Variants in KIF6 observed in about 807,000 individuals in gnomAD.
The protein encoded by KIF6 is kinesin-like protein KIF6.
A neutral mutation model predicts 112.7 loss-of-function variants in KIF6; 106 were observed. The observed-to-expected ratio is 0.94, with a 90% CI of 0.80 to 1.11. The LOEUF (loss-of-function observed/expected upper bound fraction) is 1.11, where lower values mean the gene tolerates loss of function less well. Ranked by LOEUF, KIF6 falls within the 50% of genes least tolerant of loss-of-function variation. The pLI is 0.00. For missense variants in KIF6, 929 were observed against 964.0 expected (o/e 0.96, Z 0.48); for synonymous variants, 339 against 339.9 (o/e 1.00, Z 0.03).
At chr6:39,659,973 A>G (rs1344134418) in intron 3 of KIF6, among the ~76,000 whole-genome samples, 1 of 152,164 alleles carries the variant, frequency 6.6e-6, no homozygotes, top group Non-Finnish European at 1.5e-5. Flanking sequence ...GCCATATTAA[A>G]TTTATCCATA....
At chr6:39,429,676 A>G (rs572882473) in intron 14 of KIF6, among the ~76,000 whole-genome samples, 9 of 152,278 alleles carry the variant, frequency 5.9e-5, no homozygotes, top group South Asian at 2.1e-4. Flanking sequence ...TTGGGAGGCC[A>G]AGGTGGGCGG....
chr6:39,449,779 C>T (rs1443157577), intron 13 of KIF6, among the ~76,000 whole-genome samples: 4 of 152,168 alleles, frequency 2.6e-5, no homozygotes, highest in Non-Finnish European at 5.9e-5. Context: ...GGCACACCTG[C>T]CTGCCCACAT....
intron 3 of KIF6, among the ~76,000 whole-genome samples, chr6:39,699,969 C>T (rs1788780492): frequency 6.6e-6 from 1 of 152,112 alleles, no homozygotes; most frequent in South Asian, 2.1e-4. Flanking sequence ...TACATTCCAG[C>T]TCACAAATCA....
chr6:39,668,424 T>G (rs1786610724), intron 3 of KIF6, among the ~76,000 whole-genome samples: 1 of 152,148 alleles, frequency 6.6e-6, no homozygotes, highest in African/African-American at 2.4e-5. Flanking sequence ...TAGGACAAAC[T>G]AAACTATTTA....
intron 3 of KIF6, among the ~76,000 whole-genome samples, chr6:39,703,509 A>G (rs774053596): frequency 1.5e-4 from 23 of 152,166 alleles, no homozygotes; most frequent in Non-Finnish European, 3.1e-4. Flanking sequence ...ATATTGGCAA[A>G]GCTTTATATA....
chr6:39,682,748 T>G (rs1787606282), intron 3 of KIF6, among the ~76,000 whole-genome samples: 1 of 152,008 alleles, frequency 6.6e-6, no homozygotes, highest in Non-Finnish European at 1.5e-5. Context: ...CCCAGATAAT[T>G]TTTGTATTTT....
intron 15 of KIF6, among the ~76,000 whole-genome samples, chr6:39,387,624 T>G (rs568027398): frequency 6.6e-6 from 1 of 152,116 alleles, no homozygotes; most frequent in South Asian, 2.1e-4. Context: ...TGAGTATTGG[T>G]GAACCTGGAT....
At chr6:39,578,537 T>C (rs1259462635) in intron 9 of KIF6, among the ~76,000 whole-genome samples, 1 of 152,052 alleles carries the variant, frequency 6.6e-6, no homozygotes, top group African/African-American at 2.4e-5. Flanking sequence ...TTTACCATGT[T>C]AGCCAGGATG....
At chr6:39,423,341 C>A (rs1159430115) in intron 14 of KIF6, among the ~76,000 whole-genome samples, 2 of 152,102 alleles carry the variant, frequency 1.3e-5, no homozygotes, top group African/African-American at 4.8e-5. Context: ...TTCCAAGGGC[C>A]CCGGCTCTTC....
At chr6:39,635,535 C>T (rs1784581305) in intron 4 of KIF6, among the ~76,000 whole-genome samples, 1 of 152,008 alleles carries the variant, frequency 6.6e-6, no homozygotes, top group African/African-American at 2.4e-5. Flanking sequence ...TAGTTCACTG[C>T]CAATACCTCA....
At chr6:39,461,669 C>G (rs1015930317) in intron 13 of KIF6, among the ~76,000 whole-genome samples, 1 of 152,052 alleles carries the variant, frequency 6.6e-6, no homozygotes, top group East Asian at 1.9e-4. Context: ...ATGTTTTATT[C>G]TTACAGCACA....
At chr6:39,455,541 G>A (rs1260938547) in intron 13 of KIF6, among the ~76,000 whole-genome samples, 1 of 152,142 alleles carries the variant, frequency 6.6e-6, no homozygotes, top group Non-Finnish European at 1.5e-5. Context: ...ACGAGCTGAA[G>A]GAAGAAGGCT....
chr6:39,506,837 AG>A (rs955936345), intron 13 of KIF6, among the ~76,000 whole-genome samples: 6 of 152,104 alleles, frequency 3.9e-5, no homozygotes, highest in Non-Finnish European at 7.4e-5. Flanking sequence ...TCATCTTCAC[AG>A]GAAGGGGAGA....
intron 9 of KIF6, among the ~76,000 whole-genome samples, chr6:39,584,546 G>T (rs975598131): frequency 5.6e-5 from 8 of 141,998 alleles, no homozygotes; most frequent in African/African-American, 2.0e-4. Flanking sequence ...TGGTTCTGTT[G>T]TATGAGTCCT....
intron 5 of KIF6, among the ~76,000 whole-genome samples, chr6:39,621,232 C>CACAT (rs397692143): frequency 2.2e-5 from 2 of 92,270 alleles, no homozygotes; most frequent in Admixed American, 2.5e-4. Flanking sequence ...CACACACACA[C>CACAT]GTACACATAT....
chr6:39,597,325 A>G (rs1228174208), intron 6 of KIF6, among the ~76,000 whole-genome samples: 2 of 152,228 alleles, frequency 1.3e-5, no homozygotes, highest in Non-Finnish European at 2.9e-5. Context: ...AAACAAATGA[A>G]AAGTAATTCT....
At chr6:39,577,919 C>T in intron 10 of KIF6, 137 bp downstream of exon 10, 1 of 587,356 alleles carries the variant, frequency 1.7e-6, no homozygotes, top group South Asian at 2.5e-5. Context: ...CCACTCTTAA[C>T]TGGCGCCTAA....
At chr6:39,629,269 G>T (rs906883098) in intron 5 of KIF6, among the ~76,000 whole-genome samples, 17 of 152,022 alleles carry the variant, frequency 1.1e-4, no homozygotes, top group Non-Finnish European at 2.2e-4. Context: ...CAAAGTGGTG[G>T]GATCATTCTG....
At chr6:39,537,815 T>C (rs1778535106) in intron 13 of KIF6, among the ~76,000 whole-genome samples, 1 of 152,160 alleles carries the variant, frequency 6.6e-6, no homozygotes, top group Admixed American at 6.5e-5. Flanking sequence ...GACTTCAAAC[T>C]ATACTACAGG....
Sources: allele counts gnomAD v4.1 joint callset (sites outside exome capture counted in the v4.1 genomes callset), GRCh38; gene constraint gnomAD v4.1.1; transcripts MANE v1.5; gene names NCBI Gene and HGNC (gene_info 2026-07-23, HGNC 2026-07-21).